HGD: variants seen among roughly 807,000 people sequenced by gnomAD.
The protein encoded by HGD is homogentisate oxidase.
A neutral mutation model predicts 60.8 loss-of-function variants in HGD; 61 were observed. The ratio of observed to expected loss-of-function variants is 1.00; its 90% CI spans 0.82 to 1.24. The LOEUF (loss-of-function observed/expected upper bound fraction) is 1.24, where lower values mean the gene tolerates loss of function less well. Among genes scored for constraint, HGD ranks in the 50% most tolerant of loss-of-function variants. The pLI is 0.00. For missense variants in HGD, 542 were observed against 547.1 expected, an observed-to-expected ratio of 0.99 and a Z score of 0.09; for synonymous variants, 212 against 187.7, an observed-to-expected ratio of 1.13 and a Z score of -1.06.
intron 4 of HGD, among the ~76,000 whole-genome samples, chr3:120,662,899 A>G (rs1707811403): frequency 6.6e-6 from 1 of 152,190 alleles, no homozygotes; most frequent in Non-Finnish European, 1.5e-5. Context: ...AATTAAACTT[A>G]AATGAGGTTA....
chr3:120,634,645 C>T (rs1559782290), intron 12 of HGD, among the ~76,000 whole-genome samples: 1 of 152,208 alleles, frequency 6.6e-6, no homozygotes. Flanking sequence ...TGTGAGAGTA[C>T]TGAGAGGGCA....
intron 10 of HGD, among the ~76,000 whole-genome samples, chr3:120,642,443 T>C (rs1454915715): frequency 6.6e-6 from 1 of 152,222 alleles, no homozygotes; most frequent in Non-Finnish European, 1.5e-5. Flanking sequence ...AATATTGTTA[T>C]AGGACTTTAG....
intron 7 of HGD, 28 bp downstream of exon 7, chr3:120,647,849 G>A (rs1368910430): frequency 6.3e-7 from 1 of 1,583,522 alleles, no homozygotes; most frequent in Non-Finnish European, 8.7e-7. Flanking sequence ...AATTAACAGT[G>A]AGGGGGTCTG....
chr3:120,654,745 G>A (rs1576302711), intron 4 of HGD, among the ~76,000 whole-genome samples: 1 of 152,192 alleles, frequency 6.6e-6, no homozygotes, highest in East Asian at 1.9e-4. Flanking sequence ...GTTGTACTGG[G>A]ACAATATCTT....
chr3:120,632,546 T>G (rs1448429504), intron 13 of HGD, among the ~76,000 whole-genome samples: 1 of 152,226 alleles, frequency 6.6e-6, no homozygotes, highest in South Asian at 2.1e-4. Context: ...AAAAAACAGC[T>G]GAGAATTGCT....
Position 120,644,378 on chromosome 3 carries a change from C to T in HGD, c.715G>A (p.Val239Ile). 4 of 1,614,120 alleles carry T rather than the reference C, an allele frequency of 2.5e-6. No individual in the cohort carries two copies. The highest frequency in any genetic ancestry group is 3.4e-6 in the Non-Finnish European group (4 of 1,179,974). ...IPIAWYEDRQ[V>I]PGGYTVINKY... is the part of the protein sequence containing the mutation. ...TTAATGACCGTGTAACCACCTGGTA[C>T]TTGGCGATCCTCATACCAGGCAATG... is the stretch of plus-strand genomic sequence containing the variant. The change falls in exon 10 of 14, where the codon GTA becomes ATA. Residue 239 changes from valine (V) to isoleucine (I), a missense_variant. Transcript: ENST00000283871.
intron 1 of HGD, among the ~76,000 whole-genome samples, chr3:120,678,702 G>A (rs1356419652): frequency 6.6e-6 from 1 of 152,214 alleles, no homozygotes; most frequent in Non-Finnish European, 1.5e-5. Flanking sequence ...TGGCTAAAGA[G>A]GAAGGTGAAA....
At chr3:120,651,795 T>C (rs1361922361) in intron 5 of HGD, among the ~76,000 whole-genome samples, 1 of 152,176 alleles carries the variant, frequency 6.6e-6, no homozygotes, top group Non-Finnish European at 1.5e-5. Flanking sequence ...CTGGGACCTA[T>C]AACTACCAAA....
chr3:120,643,064 T>C (rs1941039232), intron 10 of HGD, among the ~76,000 whole-genome samples: 3 of 152,164 alleles, frequency 2.0e-5, no homozygotes, highest in Admixed American at 2.0e-4. Flanking sequence ...AAAATGAATG[T>C]AGGTTTCCAT....
chr3:120,632,371 C>T (rs1940617839), intron 13 of HGD, among the ~76,000 whole-genome samples: 2 of 152,172 alleles, frequency 1.3e-5, no homozygotes, highest in South Asian at 4.1e-4. Flanking sequence ...CCCTGTGGAC[C>T]ATAAACTCTA....
intron 4 of HGD, among the ~76,000 whole-genome samples, chr3:120,655,196 G>A (rs1395993741): frequency 6.6e-6 from 1 of 152,216 alleles, no homozygotes; most frequent in Non-Finnish European, 1.5e-5. Flanking sequence ...AAAAGGTTGA[G>A]CCAGAGAGAC....
chr3:120,680,044 C>G (rs1359671486), intron 1 of HGD, among the ~76,000 whole-genome samples: 1 of 152,214 alleles, frequency 6.6e-6, no homozygotes, highest in Non-Finnish European at 1.5e-5. Context: ...GCCAGTGAAT[C>G]AAGGATTTGG....
At chr3:120,681,485 C>T (rs532145111) in intron 1 of HGD, among the ~76,000 whole-genome samples, 1 of 152,314 alleles carries the variant, frequency 6.6e-6, no homozygotes, top group South Asian at 2.1e-4. Context: ...ATCATAGTCT[C>T]TCCAAGCATT....
Position 120,638,500 on chromosome 3 carries a change from G to T in HGD, c.961C>A (p.Arg321=), listed in dbSNP as rs1402437099. The T allele has an allele frequency of 5.0e-6, 8 of 1,613,790 alleles. No individual in the cohort carries two copies. The highest frequency in any genetic ancestry group is 6.8e-6 in the Non-Finnish European group (8 of 1,179,912). The change falls in exon 12 of 14, where the codon CGA becomes AGA. Residue 321 remains arginine (R), a synonymous_variant. Coordinates refer to ENST00000283871, the MANE Select transcript of HGD (RefSeq NM_000187.4). ...AAGGTCTTATCAGCAACCCCCCATC[G>T]AGGTGGGAAGATGACAAAATCAGCA... ...AIADFVIFPP[R]WGVADKTFRP... is the part of the protein sequence containing the mutation.
In HGD at chr3:120,682,104, T is replaced by G. The variant is rs200412910; in HGVS notation, c.8A>C (p.Glu3Ala). The G allele has an allele frequency of 4.1e-4, 668 of 1,614,060 alleles. 1 individual carries two copies. The highest frequency in any genetic ancestry group is 5.3e-4 in the Non-Finnish European group (620 of 1,179,900). ...TGTCAGATGGTTTCTTACCTTTAAC[T>G]CAGCCATTTTCTCTCTCCTCTATGT... MA[E>A]LKYISGFGNE... Residue 3 changes from glutamate to alanine, a missense_variant, in exon 1 of 14, where the codon GAG becomes GCG. Physicochemically the swap from Glu to Ala is moderately radical, Grantham distance 107. This residue lies in a region of HGD where 537 missense variants were observed against 529.1 expected (regional missense o/e 1.01). Transcript: ENST00000283871.
chr3:120,650,320 A>G (rs1941299847), intron 6 of HGD, among the ~76,000 whole-genome samples: 1 of 152,196 alleles, frequency 6.6e-6, no homozygotes, highest in Non-Finnish European at 1.5e-5. Flanking sequence ...GCCTCCCTAA[A>G]ATGTATAAAA....
intron 4 of HGD, among the ~76,000 whole-genome samples, chr3:120,656,236 A>C (rs1303674878): frequency 6.6e-6 from 1 of 152,242 alleles, no homozygotes; most frequent in Non-Finnish European, 1.5e-5. Flanking sequence ...CTCAGTTTTC[A>C]GAACTGTAAG....
Position 120,646,357 on chromosome 3 carries a change from G to T in HGD, c.559C>A (p.Arg187=), listed in dbSNP as rs756255206. ...TCCTCAAAGACATCTATGCTGAACCGCATTCCTCTCTGGAATGGAAAGCAG... is the reference window on the plus strand; with the variant it reads ...TCCTCAAAGACATCTATGCTGAACCTCATTCCTCTCTGGAATGGAAAGCAG... The part of the protein sequence containing the change: ...NEICVIQRGM[R]FSIDVFEETR... Residue 187 remains arginine (R), a synonymous_variant, in exon 9 of 14, where the codon CGG becomes AGG. Transcript: ENST00000283871. The T allele has an allele frequency of 7.5e-6, 12 of 1,607,416 alleles. No individual in the cohort carries two copies. In the East Asian group the frequency reaches 8.9e-5, roughly 12 times the overall value.
rs2107557542 is a variant in HGD, at chr3:120,675,779, T to G, written c.87+13A>C. On this transcript the variant is annotated intron_variant, in intron 2 of 13. Coordinates refer to ENST00000283871, the MANE Select transcript of HGD (RefSeq NM_000187.4). ...GGATTCAGAGCTCTTCTAAGCACTTTATTTGCTCATACCTGTCCTTCTGGC... is the reference window on the plus strand; with the variant it reads ...GGATTCAGAGCTCTTCTAAGCACTTGATTTGCTCATACCTGTCCTTCTGGC... 2 of 1,607,916 alleles carry G rather than the reference T, an allele frequency of 1.2e-6. No individual in the cohort carries two copies. Among genetic ancestry groups the G allele is most frequent in the East Asian group, 4.5e-5 (2 of 44,836 alleles).
Sources: allele counts gnomAD v4.1 joint callset (sites outside exome capture counted in the v4.1 genomes callset), GRCh38; gene constraint gnomAD v4.1.1; regional missense constraint gnomAD v4.1.1; transcripts MANE v1.5; gene names NCBI Gene and HGNC (gene_info 2026-07-23, HGNC 2026-07-21).